PCSK6: variants seen among roughly 807,000 people sequenced by gnomAD.
PCSK6 encodes proprotein convertase subtilisin/kexin type 6, also known as paired basic amino acid cleaving enzyme 4.
Under a neutral mutation model 123.3 loss-of-function variants are expected in PCSK6, and 85 were observed. The ratio of observed to expected loss-of-function variants is 0.69; its 90% CI spans 0.58 to 0.83. The LOEUF (loss-of-function observed/expected upper bound fraction) is 0.83, where lower values mean the gene tolerates loss of function less well. PCSK6 is among the 40% of genes least tolerant of loss of function. PCSK6 has a pLI of 0.00. For synonymous variants in PCSK6, 508 were observed against 516.0 expected (o/e 0.98, Z 0.21); for missense variants, 1,191 against 1,282.3 (o/e 0.93, Z 1.09).
intron 6 of PCSK6, among the ~76,000 whole-genome samples, chr15:101,410,836 T>TA (rs1452678218): frequency 6.6e-6 from 1 of 152,200 alleles, no homozygotes; most frequent in Non-Finnish European, 1.5e-5. Context: ...ATCTCTCTGT[T>TA]AGTCTCCCCT....
At chr15:101,429,404 C>T (rs1178754117) in intron 5 of PCSK6, among the ~76,000 whole-genome samples, 2 of 152,176 alleles carry the variant, frequency 1.3e-5, no homozygotes, top group Non-Finnish European at 1.5e-5. Context: ...CATGCATCAT[C>T]TCACTGACCC....
At chr15:101,436,319 G>T (rs944998828) in intron 2 of PCSK6, among the ~76,000 whole-genome samples, 1 of 152,192 alleles carries the variant, frequency 6.6e-6, no homozygotes, top group African/African-American at 2.4e-5. Context: ...CAGCATCAAG[G>T]GAGTCAAGCT....
At chr15:101,369,523 A>G (rs9920839) in intron 12 of PCSK6, among the ~76,000 whole-genome samples, 15,317 of 152,270 alleles carry the variant, frequency 0.1, 2,407 homozygotes, top group African/African-American at 0.33. Context: ...ATGTGGGCAC[A>G]GTGCCAGTCC....
intron 6 of PCSK6, among the ~76,000 whole-genome samples, chr15:101,426,955 C>T (rs372043447): frequency 6.6e-6 from 1 of 152,206 alleles, no homozygotes; most frequent in Admixed American, 6.5e-5. Flanking sequence ...GCAGACAGGC[C>T]TCCTGGGTGA....
chr15:101,478,994 A>G (rs2141257559), intron 1 of PCSK6, among the ~76,000 whole-genome samples: 1 of 152,344 alleles, frequency 6.6e-6, no homozygotes, highest in East Asian at 1.9e-4. Flanking sequence ...AAAAATTCTA[A>G]CAATTTCTCA....
chr15:101,371,169 T>G (rs1390492752), intron 11 of PCSK6, among the ~76,000 whole-genome samples: 1 of 152,134 alleles, frequency 6.6e-6, no homozygotes, highest in Non-Finnish European at 1.5e-5. Context: ...GTCGCACCAC[T>G]GCACTCCAGC....
At chr15:101,473,810 G>A (rs1159630989) in intron 1 of PCSK6, among the ~76,000 whole-genome samples, 1 of 152,232 alleles carries the variant, frequency 6.6e-6, no homozygotes, top group Non-Finnish European at 1.5e-5. Context: ...GGGAGGCAGA[G>A]GTTGCGGTAA....
chr15:101,426,765 TCGGTGG>T, intron 6 of PCSK6, among the ~76,000 whole-genome samples: 1 of 106,134 alleles, frequency 9.4e-6, no homozygotes, highest in South Asian at 3.0e-4. Flanking sequence ...TCACCAAGGC[TCGGTGG>T]CAGAACGGCA....
At chr15:101,457,126 C>T (rs958452374) in intron 1 of PCSK6, among the ~76,000 whole-genome samples, 1 of 152,000 alleles carries the variant, frequency 6.6e-6, no homozygotes, top group Non-Finnish European at 1.5e-5. Flanking sequence ...GAGCCAAGAT[C>T]GTGCCACCGC....
At chr15:101,338,249 T>C (rs2040527492) in intron 13 of PCSK6, among the ~76,000 whole-genome samples, 1 of 152,162 alleles carries the variant, frequency 6.6e-6, no homozygotes, top group Admixed American at 6.5e-5. Context: ...GAGAGTCAGA[T>C]GCTTATGGGT....
At chr15:101,370,756 T>A (rs2020951) in intron 11 of PCSK6, among the ~76,000 whole-genome samples, 1 of 152,238 alleles carries the variant, frequency 6.6e-6, no homozygotes, top group Admixed American at 6.5e-5. Context: ...ATTTGAAAGA[T>A]GGTTCGGCTG....
At chr15:101,453,850 G>A (rs981563353) in intron 1 of PCSK6, among the ~76,000 whole-genome samples, 2 of 152,214 alleles carry the variant, frequency 1.3e-5, no homozygotes, top group Non-Finnish European at 2.9e-5. Context: ...ACGAGTCCAG[G>A]TCTACTCTCA....
intron 19 of PCSK6, among the ~76,000 whole-genome samples, chr15:101,314,941 G>A (rs1341932389): frequency 6.6e-6 from 1 of 152,196 alleles, no homozygotes; most frequent in African/African-American, 2.4e-5. Flanking sequence ...GGGAGCATCT[G>A]GTGGGTGGGT....
chr15:101,462,551 G>A (rs2057363249), intron 1 of PCSK6, among the ~76,000 whole-genome samples: 1 of 152,140 alleles, frequency 6.6e-6, no homozygotes, highest in South Asian at 2.1e-4. Context: ...AAGTCTGTGA[G>A]GCACTGGGTC....
chr15:101,411,179 G>T (rs1030932966), intron 6 of PCSK6, among the ~76,000 whole-genome samples: 1 of 152,178 alleles, frequency 6.6e-6, no homozygotes, highest in East Asian at 1.9e-4. Flanking sequence ...GGGTCCTGGC[G>T]CGAGGACTTC....
In PCSK6 at chr15:101,384,470, G is replaced by A. The variant is rs557441443; in HGVS notation, c.1311-45C>T. ...CCTAGAGTCCACACAGCTCAACAAC[G>A]GCAGCCACACAGGCCACTCAGAGGC... is the stretch of plus-strand genomic sequence containing the variant. On this transcript the variant is annotated intron_variant, in intron 9 of 21. Transcript: ENST00000611716. 8.7e-5 allele frequency: 135 copies of A among 1,546,052 alleles called. No individual in the cohort carries two copies. The African/African-American group carries it at 1.4e-3, about 16-fold the overall frequency.
chr15:101,357,153 C>A (rs2041067638), intron 13 of PCSK6, among the ~76,000 whole-genome samples: 1 of 152,170 alleles, frequency 6.6e-6, no homozygotes, highest in African/African-American at 2.4e-5. Context: ...AAGCACCCTG[C>A]CCCAAGCACA....
rs67170668 is a variant in PCSK6, at chr15:101,403,428, TAA to T, written c.824-4854_824-4853del. ...CTAAAACTTAAAGTATAATAATAATTAAAAAAAAAGAGAGAGAAAAAAAAATG... is the reference window on the plus strand; with the variant it reads ...CTAAAACTTAAAGTATAATAATAATTAAAAAAAGAGAGAGAAAAAAAAATG... On this transcript the variant is annotated intron_variant, in intron 6 of 21. Coordinates refer to ENST00000611716, the MANE Select transcript of PCSK6 (RefSeq NM_002570.5). Among the ~76,000 whole-genome samples the T allele has an allele frequency of 1.6e-3, 233 of 145,102 alleles. 3 individuals are homozygous for T. In the East Asian group the frequency reaches 0.031, roughly 19 times the overall value.
intron 13 of PCSK6, among the ~76,000 whole-genome samples, chr15:101,353,780 A>T (rs1291583094): frequency 1.3e-5 from 2 of 152,128 alleles, no homozygotes; most frequent in East Asian, 3.9e-4. Context: ...AGACCTCACC[A>T]GGTTGGGTTG....
Sources: allele counts gnomAD v4.1 joint callset (sites outside exome capture counted in the v4.1 genomes callset), GRCh38; gene constraint gnomAD v4.1.1; transcripts MANE v1.5; gene names NCBI Gene and HGNC (gene_info 2026-07-23, HGNC 2026-07-21).